Variants in DACH2 observed in about 807,000 individuals in gnomAD.
The protein encoded by DACH2 is dachshund family transcription factor 2.
Under a neutral mutation model 35.8 loss-of-function variants are expected in DACH2, and 17 were observed. The ratio of observed to expected loss-of-function variants is 0.48; its 90% CI spans 0.33 to 0.71. DACH2 has a LOEUF of 0.71. Among genes scored for constraint, DACH2 ranks in the 30% least tolerant of loss-of-function variants. The pLI is 0.02. For synonymous variants in DACH2, 195 were observed against 177.3 expected, an observed-to-expected ratio of 1.10 and a Z score of -0.79; for missense variants, 469 against 472.7, an observed-to-expected ratio of 0.99 and a Z score of 0.07.
intron 1 of DACH2, among the ~76,000 whole-genome samples, chrX:86,373,506 C>G (rs2035920899): frequency 9.0e-6 from 1 of 110,624 alleles, no homozygotes; most frequent in African/African-American, 3.3e-5. Context: ...AAGTGGTTCT[C>G]TAATATACAA....
rs1271085253 is a variant in DACH2 at position 86,213,559 on chromosome X, C to T, written c.488+64451C>T. 4.5e-5 allele frequency among the ~76,000 whole-genome samples: 5 copies of T among 111,011 alleles called. No homozygotes were observed. In the East Asian group the frequency reaches 1.4e-3, roughly 31 times the overall value. On this transcript the variant is annotated intron_variant, in intron 1 of 11. Coordinates refer to ENST00000373125, the MANE Select transcript of DACH2 (RefSeq NM_053281.3). ...TTTCTGCAGCCTTTGAAAAGATTGA[C>T]ATTCTTTCCTTCCTTGCCTTCTGTG...
intron 1 of DACH2, among the ~76,000 whole-genome samples, chrX:86,184,008 G>C (rs1439893586): frequency 5.4e-5 from 6 of 110,994 alleles, no homozygotes; most frequent in Non-Finnish European, 1.1e-4. Flanking sequence ...ATTTCTGTGG[G>C]ATCAGTGGTG....
intron 3 of DACH2, among the ~76,000 whole-genome samples, chrX:86,632,002 A>T (rs890345280): frequency 1.8e-5 from 2 of 111,911 alleles, no homozygotes; most frequent in Non-Finnish European, 3.8e-5. Context: ...AAATCTAGAC[A>T]GAATCATTGC....
At chrX:86,551,887 G>T (rs2039054374) in intron 3 of DACH2, among the ~76,000 whole-genome samples, 1 of 111,642 alleles carries the variant, frequency 9.0e-6, no homozygotes, top group African/African-American at 3.3e-5. Context: ...GTGGTTCTAA[G>T]TGTTTCTTGG....
chrX:86,283,844 C>T (rs745864473), intron 1 of DACH2, among the ~76,000 whole-genome samples: 2 of 104,569 alleles, frequency 1.9e-5, no homozygotes, highest in Non-Finnish European at 3.9e-5. Flanking sequence ...GCATGTTCTG[C>T]ACATGTATCC....
chrX:86,652,279 A>G (rs2040485998), intron 4 of DACH2, among the ~76,000 whole-genome samples: 1 of 111,967 alleles, frequency 8.9e-6, no homozygotes, highest in East Asian at 2.8e-4. Flanking sequence ...AAATGATCTC[A>G]TTGCTTTTTA....
intron 2 of DACH2, among the ~76,000 whole-genome samples, chrX:86,386,926 T>A (rs1311826731): frequency 2.7e-5 from 3 of 111,469 alleles, no homozygotes; most frequent in Non-Finnish European, 5.7e-5. Flanking sequence ...ATTTTCTTGT[T>A]TGTCTCCTAA....
At position 86,690,272 on chromosome X, in the gene DACH2, G is replaced by A. The variant is rs1461259947; in HGVS notation, c.773-4749G>A. ...TTGTAGGCTTATGCTAATTTGTTTGGAACACATCATAATGATCTTTGCTAT... is the reference window on the plus strand; with the variant it reads ...TTGTAGGCTTATGCTAATTTGTTTGAAACACATCATAATGATCTTTGCTAT... On this transcript the variant is annotated intron_variant, in intron 4 of 11. Coordinates refer to ENST00000373125, the MANE Select transcript of DACH2 (RefSeq NM_053281.3). 3.6e-5 allele frequency among the ~76,000 whole-genome samples: 4 copies of A among 111,507 alleles called. No individual in the cohort carries two copies. The Admixed American group carries it at 3.8e-4, about 11-fold the overall frequency.
At chrX:86,780,251 C>T (rs2042077614) in intron 7 of DACH2, among the ~76,000 whole-genome samples, 1 of 108,406 alleles carries the variant, frequency 9.2e-6, no homozygotes, top group Non-Finnish European at 1.9e-5. Context: ...GAGAAAGAAA[C>T]AGCACCAGAA....
At chrX:86,818,681 T>A (rs1196243095) in intron 11 of DACH2, among the ~76,000 whole-genome samples, 2 of 110,889 alleles carry the variant, frequency 1.8e-5, no homozygotes, top group African/African-American at 6.5e-5. Flanking sequence ...TCAGTTCATG[T>A]ATACCAATGC....
chrX:86,194,460 C>T (rs182468412), intron 1 of DACH2, among the ~76,000 whole-genome samples: 181 of 111,716 alleles, frequency 1.6e-3, no homozygotes, highest in Non-Finnish European at 1.9e-3. Context: ...GCACTGAGAA[C>T]GGACAGAGGG....
chrX:86,759,692 G>A (rs1224892548), intron 7 of DACH2, among the ~76,000 whole-genome samples: 1 of 110,785 alleles, frequency 9.0e-6, no homozygotes, highest in Non-Finnish European at 1.9e-5. Context: ...ATTTCTGGTT[G>A]ATGGTATACT....
At chrX:86,246,798 A>T (rs1409914056) in intron 1 of DACH2, among the ~76,000 whole-genome samples, 1 of 111,662 alleles carries the variant, frequency 9.0e-6, no homozygotes, top group Non-Finnish European at 1.9e-5. Context: ...ACCAGATAAC[A>T]GTGTGATAGG....
intron 3 of DACH2, among the ~76,000 whole-genome samples, chrX:86,549,738 G>A (rs11092803): frequency 0.19 from 20,950 of 109,915 alleles, 1,546 homozygotes; most frequent in East Asian, 0.27. Context: ...GACATTACTG[G>A]TGTATTTTTA....
chrX:86,307,686 T>A (rs1015506703), intron 1 of DACH2, among the ~76,000 whole-genome samples: 1 of 111,185 alleles, frequency 9.0e-6, no homozygotes, highest in African/African-American at 3.3e-5. Context: ...ACACCTCTGT[T>A]TGCTTCTAGA....
intron 2 of DACH2, among the ~76,000 whole-genome samples, chrX:86,393,704 T>A (rs181599361): frequency 8.9e-4 from 99 of 111,521 alleles, no homozygotes; most frequent in African/African-American, 3.2e-3. Flanking sequence ...AATGGGAATC[T>A]ATTTTTATTT....
At chrX:86,381,870 G>C (rs2036051261) in intron 2 of DACH2, among the ~76,000 whole-genome samples, 1 of 110,573 alleles carries the variant, frequency 9.0e-6, no homozygotes, top group Admixed American at 9.7e-5. Flanking sequence ...TGTGACACAT[G>C]ATTTCGAATT....
chrX:86,368,026 A>C (rs2035831230), intron 1 of DACH2, among the ~76,000 whole-genome samples: 1 of 111,345 alleles, frequency 9.0e-6, no homozygotes, highest in African/African-American at 3.3e-5. Context: ...TAATTTCCTA[A>C]AGCATTGTTA....
At chrX:86,745,626 T>G (rs1346206031) in intron 7 of DACH2, among the ~76,000 whole-genome samples, 2 of 111,540 alleles carry the variant, frequency 1.8e-5, no homozygotes, top group Non-Finnish European at 3.8e-5. Context: ...TATTCCATGG[T>G]GTATATGTAC....
Sources: allele counts gnomAD v4.1 joint callset (sites outside exome capture counted in the v4.1 genomes callset), GRCh38; gene constraint gnomAD v4.1.1; transcripts MANE v1.5; gene names NCBI Gene and HGNC (gene_info 2026-07-23, HGNC 2026-07-21).